Variants in LPXN observed in about 807,000 individuals in gnomAD.
The protein encoded by LPXN is leupaxin.
Under a neutral mutation model 45.6 loss-of-function variants are expected in LPXN, and 28 were observed. That is an observed-to-expected ratio of 0.61 (90% CI 0.45 to 0.84). The LOEUF (loss-of-function observed/expected upper bound fraction) is 0.84, where lower values mean the gene tolerates loss of function less well. Among genes scored for constraint, LPXN ranks in the 40% least tolerant of loss-of-function variants. The pLI is 0.00. For missense variants in LPXN, 459 were observed against 475.0 expected, an observed-to-expected ratio of 0.97 and a Z score of 0.31; for synonymous variants, 166 against 169.9, an observed-to-expected ratio of 0.98 and a Z score of 0.18.
chr11:58,535,084 C>T (rs1312500836), intron 7 of LPXN, among the ~76,000 whole-genome samples: 1 of 152,080 alleles, frequency 6.6e-6, no homozygotes, highest in Non-Finnish European at 1.5e-5. Flanking sequence ...AGAATTCTAC[C>T]AGAGGTACAA....
At chr11:58,546,884 G>A (rs933815257) in intron 7 of LPXN, among the ~76,000 whole-genome samples, 1 of 152,136 alleles carries the variant, frequency 6.6e-6, no homozygotes, top group African/African-American at 2.4e-5. Context: ...CCTCACTCTT[G>A]TTCAGGAGAA....
chr11:58,578,020 G>A, upstream of LPXN: 11 of 1,550,702 alleles, frequency 7.1e-6, no homozygotes, highest in South Asian at 1.2e-5. Flanking sequence ...CTCACACACC[G>A]GAAGACGAGA....
chr11:58,573,378 T>G (rs1294238759), intron 1 of LPXN, among the ~76,000 whole-genome samples: 2 of 152,196 alleles, frequency 1.3e-5, no homozygotes, highest in African/African-American at 4.8e-5. Context: ...GAATTTTTAT[T>G]CTACATCTTT....
intron 8 of LPXN, 147 bp downstream of exon 8, chr11:58,527,896 A>T: frequency 8.8e-7 from 1 of 1,137,844 alleles, no homozygotes; most frequent in East Asian, 2.4e-5. Flanking sequence ...AGACAAGCAA[A>T]TGGATCTGTA....
intron 1 of LPXN, among the ~76,000 whole-genome samples, chr11:58,573,821 G>A (rs536324978): frequency 6.6e-6 from 1 of 152,122 alleles, no homozygotes; most frequent in African/African-American, 2.4e-5. Context: ...AACATGAAAG[G>A]AGTAAAGTGA....
In LPXN at chr11:58,527,734, G is replaced by T; in HGVS notation, c.892-11C>A. On this transcript the variant is annotated splice_polypyrimidine_tract_variant and intron_variant, in intron 8 of 8. Transcript: ENST00000395074. Reference sequence around the variant, plus strand: ...ACTGGTGAAGCAGTCCTGGGGTAGAGAGAAGAGAGAGAAAAAGAATGCAAA... The same window carrying T: ...ACTGGTGAAGCAGTCCTGGGGTAGATAGAAGAGAGAGAAAAAGAATGCAAA... 1 of 1,607,188 alleles carries T rather than the reference G, an allele frequency of 6.2e-7. No homozygotes were observed. The highest frequency in any genetic ancestry group is 8.5e-7 in the Non-Finnish European group (1 of 1,175,044).
intron 4 of LPXN, among the ~76,000 whole-genome samples, chr11:58,554,544 C>T (rs924365996): frequency 1.3e-5 from 2 of 152,130 alleles, no homozygotes; most frequent in African/African-American, 4.8e-5. Flanking sequence ...AAACACCTGG[C>T]TTTTATTCTA....
rs17152724 is a variant in LPXN, at chr11:58,527,874, C to T, written c.892-151G>A. On this transcript the variant is annotated intron_variant, in intron 8 of 8. Coordinates refer to ENST00000395074, the MANE Select transcript of LPXN (RefSeq NM_004811.3). ...CTTGACAAATGGAGACTAGATTTCC[C>T]GCTTGCAAAACAGACAAGCAAATGG... The T allele has an allele frequency of 7.1e-3, 8,049 of 1,136,544 alleles. 387 individuals are homozygous for T. In the African/African-American group the frequency reaches 0.11, roughly 16 times the overall value. 70.4% of individuals were successfully genotyped at this position (1,136,544 alleles called of 1,614,324 possible). A position where few individuals can be genotyped will look rare whatever the true frequency, so the allele number is the denominator to read the frequency against.
chr11:58,553,743 T>C (rs1467104943), intron 4 of LPXN: 1 of 152,196 alleles, frequency 6.6e-6, no homozygotes, highest in Non-Finnish European at 1.5e-5. Context: ...TCCAACCAGA[T>C]TTAAAATGGT....
At chr11:58,565,957 C>T (rs1854516316) in intron 2 of LPXN, among the ~76,000 whole-genome samples, 1 of 152,120 alleles carries the variant, frequency 6.6e-6, no homozygotes, top group East Asian at 1.9e-4. Context: ...AAGATCATGC[C>T]ACTGAACTCC....
chr11:58,551,007 T>G, intron 5 of LPXN, 58 bp downstream of exon 5: 6 of 1,439,988 alleles, frequency 4.2e-6, no homozygotes, highest in Non-Finnish European at 5.5e-6. Flanking sequence ...AGAGCAAACC[T>G]TGATGAGACA....
chr11:58,551,225 A>G lies in LPXN; in HGVS notation c.326T>C (p.Val109Ala), dbSNP rs1483802691. Residue 109 changes from valine (V) to alanine (A), a missense_variant, in exon 5 of 9, where the codon GTG becomes GCG. Physicochemically the swap from Val to Ala is moderately conservative, Grantham distance 64. Transcript: ENST00000395074. ...HLTEMQAKVAVRADAGKKHLP... is the reference protein window; with the variant it reads ...HLTEMQAKVAARADAGKKHLP... ...GTGCTTCTTGCCAGCATCTGCTCTC[A>G]CTGCAACCTGGCCCAAGGGAAGAAC... 6.2e-7 allele frequency: 1 copy of G among 1,604,512 alleles called. No individual in the cohort carries two copies. The highest frequency in any genetic ancestry group is 8.5e-7 in the Non-Finnish European group (1 of 1,176,070).
intron 7 of LPXN, among the ~76,000 whole-genome samples, chr11:58,547,783 A>G (rs1267176960): frequency 1.3e-5 from 2 of 152,236 alleles, no homozygotes; most frequent in Non-Finnish European, 2.9e-5. Flanking sequence ...AATTGATTTT[A>G]TATTTAGAAC....
At chr11:58,565,509 G>A (rs887977167) in intron 2 of LPXN, among the ~76,000 whole-genome samples, 3 of 151,212 alleles carry the variant, frequency 2.0e-5, no homozygotes, top group Non-Finnish European at 4.4e-5. Flanking sequence ...ACTCCAGCCT[G>A]GGTGACAGAG....
At chr11:58,540,088 C>T (rs979579990) in intron 7 of LPXN, among the ~76,000 whole-genome samples, 3 of 151,908 alleles carry the variant, frequency 2.0e-5, no homozygotes, top group Non-Finnish European at 4.4e-5. Context: ...TCCAGACCCC[C>T]GAAAACTGAA....
Position 58,551,170 on chromosome 11 carries a change from G to A in LPXN, c.381C>T (p.Ser127=). 4 of 1,611,716 alleles carry A rather than the reference G, an allele frequency of 2.5e-6. No homozygotes were observed. Among genetic ancestry groups the A allele is most frequent in the East Asian group, 2.2e-5 (1 of 44,476 alleles). ...HLPDKQDHKA[S]LDSMLGGLEQ... ...CCAGACCCCCAAGCATTGAGTCCAGGGAGGCCTTGTGATCCTGCTTGTCTG... is the reference window on the plus strand; with the variant it reads ...CCAGACCCCCAAGCATTGAGTCCAGAGAGGCCTTGTGATCCTGCTTGTCTG... The change falls in exon 5 of 9, where the codon TCC becomes TCT. Residue 127 remains serine (S), a synonymous_variant. Coordinates refer to ENST00000395074, the MANE Select transcript of LPXN (RefSeq NM_004811.3).
At chr11:58,565,686 C>T (rs943295594) in intron 2 of LPXN, among the ~76,000 whole-genome samples, 3 of 151,770 alleles carry the variant, frequency 2.0e-5, no homozygotes, top group African/African-American at 7.3e-5. Flanking sequence ...ATTCAAGCAA[C>T]TTTAAAAAAA....
At chr11:58,552,925 G>A (rs1275671784) in intron 4 of LPXN, among the ~76,000 whole-genome samples, 1 of 152,174 alleles carries the variant, frequency 6.6e-6, no homozygotes, top group Non-Finnish European at 1.5e-5. Flanking sequence ...AGGAAATTCT[G>A]CCTATCTCCG....
intron 1 of LPXN, among the ~76,000 whole-genome samples, chr11:58,571,843 A>C (rs1854712126): frequency 6.6e-6 from 1 of 152,200 alleles, no homozygotes; most frequent in Admixed American, 6.5e-5. Context: ...GATCACAAGA[A>C]AGAGACAAAA....
Sources: gnomAD v4.1 joint callset for allele counts (sites outside exome capture counted in the v4.1 genomes callset) on GRCh38, gnomAD v4.1.1 for gene constraint, MANE v1.5 for transcripts, NCBI Gene and HGNC (gene_info 2026-07-23, HGNC 2026-07-21) for gene names.